The following UBE2Q2 variants were observed in gnomAD, a reference collection of about 807,000 sequenced individuals.
The protein encoded by UBE2Q2 is ubiquitin conjugating enzyme E2 Q2.
Under a neutral mutation model 59.9 loss-of-function variants are expected in UBE2Q2, and 54 were observed. The ratio of observed to expected loss-of-function variants is 0.90; its 90% CI spans 0.72 to 1.13. The LOEUF (loss-of-function observed/expected upper bound fraction) is 1.13, where lower values mean the gene tolerates loss of function less well. Ranked by LOEUF, UBE2Q2 falls within the 50% of genes most tolerant of loss-of-function variation. The pLI is 0.00. For missense variants in UBE2Q2, 433 were observed against 441.9 expected (o/e 0.98, Z 0.18); for synonymous variants, 165 against 155.2 (o/e 1.06, Z -0.47).
At chr15:75,897,636 TTTAC>T (rs1169071199) in intron 12 of UBE2Q2, among the ~76,000 whole-genome samples, 1 of 151,676 alleles carries the variant, frequency 6.6e-6, no homozygotes, top group Non-Finnish European at 1.5e-5. Flanking sequence ...AATGACTCAC[TTTAC>T]TTACTTGAAA....
At chr15:75,880,978 A>G (rs1280842215) in intron 8 of UBE2Q2, among the ~76,000 whole-genome samples, 1 of 152,128 alleles carries the variant, frequency 6.6e-6, no homozygotes, top group Non-Finnish European at 1.5e-5. Flanking sequence ...AGTGACCCAA[A>G]TGTCAGTATT....
At chr15:75,863,910 G>A (rs925966711) in intron 3 of UBE2Q2, among the ~76,000 whole-genome samples, 5 of 152,084 alleles carry the variant, frequency 3.3e-5, no homozygotes, top group Admixed American at 6.6e-5. Context: ...AGAGTGCTGG[G>A]ATTACAGGGG....
chr15:75,856,271 A>ATG (rs1896910013), intron 2 of UBE2Q2, among the ~76,000 whole-genome samples: 1 of 59,750 alleles, frequency 1.7e-5, no homozygotes, highest in South Asian at 4.2e-4. Context: ...GTGTGTGTGT[A>ATG]TATATATATA....
intron 5 of UBE2Q2, among the ~76,000 whole-genome samples, chr15:75,875,908 A>G (rs80024008): frequency 2.0e-5 from 3 of 151,880 alleles, no homozygotes; most frequent in African/African-American, 4.8e-5. Flanking sequence ...AAAAAAAAAA[A>G]TACAAAATTT....
In UBE2Q2 at chr15:75,859,993, A is replaced by C. The variant is rs750951058; in HGVS notation, c.387+11A>C. On this transcript the variant is annotated intron_variant, in intron 3 of 12. Transcript: ENST00000267938. ...CTACCCACGGGTCAGGTAAAGTAAA[A>C]ATTCTCTAGTGTTCAAGAGCTAAAT... 6.4e-7 allele frequency: 1 copy of C among 1,570,038 alleles called. No individual in the cohort carries two copies. Among genetic ancestry groups the C allele is most frequent in the Non-Finnish European group, 8.6e-7 (1 of 1,157,568 alleles).
At chr15:75,896,508 G>T (rs942289862) in intron 11 of UBE2Q2, among the ~76,000 whole-genome samples, 3 of 152,138 alleles carry the variant, frequency 2.0e-5, no homozygotes, top group Non-Finnish European at 2.9e-5. Flanking sequence ...CCTTTAGTAA[G>T]CATGGTGACA....
At chr15:75,846,386 C>T (rs374934953) in intron 1 of UBE2Q2, among the ~76,000 whole-genome samples, 2 of 152,142 alleles carry the variant, frequency 1.3e-5, no homozygotes, top group African/African-American at 4.8e-5. Flanking sequence ...TACAGGTTTC[C>T]GCCGCCACAC....
rs1301054715 is a variant in UBE2Q2 at position 75,855,282 on chromosome 15, G to A, written c.282+795G>A. 3.3e-5 allele frequency among the ~76,000 whole-genome samples: 5 copies of A among 152,172 alleles called. No individual in the cohort carries two copies. In the East Asian group the frequency reaches 9.6e-4, roughly 29 times the overall value. ...GAGGCGGGCGGATCACTTGAGGCCA[G>A]GAGTTCGAGATCAGCCTGGCCAACA... On this transcript the variant is annotated intron_variant, in intron 2 of 12. Coordinates refer to ENST00000267938, the MANE Select transcript of UBE2Q2 (RefSeq NM_173469.4).
At chr15:75,872,100 T>C (rs1250846830) in intron 4 of UBE2Q2, among the ~76,000 whole-genome samples, 1 of 151,676 alleles carries the variant, frequency 6.6e-6, no homozygotes, top group East Asian at 1.9e-4. Context: ...AGAGTTTGAG[T>C]GAGAACAGAA....
intron 3 of UBE2Q2, among the ~76,000 whole-genome samples, chr15:75,863,862 G>A (rs768435929): frequency 1.1e-4 from 16 of 151,918 alleles, no homozygotes; most frequent in Non-Finnish European, 1.8e-4. Flanking sequence ...GGCTGGTCTC[G>A]AACTCCTGAC....
At position 75,854,413 on chromosome 15, in the gene UBE2Q2, T is replaced by C. The variant is rs376415843; in HGVS notation, c.208T>C (p.Trp70Arg). The C allele has an allele frequency of 4.3e-5, 69 of 1,613,158 alleles. No homozygotes were observed. The highest frequency in any genetic ancestry group is 5.8e-5 in the Non-Finnish European group (68 of 1,179,546). Residue 70 changes from tryptophan to arginine, a missense_variant, in exon 2 of 13, where the codon TGG (tryptophan) becomes CGG (arginine). Coordinates refer to ENST00000267938, the MANE Select transcript of UBE2Q2 (RefSeq NM_173469.4). ...ATCCTATCCATCTTCTTCACCGATA[T>C]GGTTTGTGGATTCTGAAGACCCAAA... ...TESYPSSSPI[W>R]FVDSEDPNLT...
chr15:75,845,662 T>C (rs1896306809), intron 1 of UBE2Q2, among the ~76,000 whole-genome samples: 1 of 152,092 alleles, frequency 6.6e-6, no homozygotes, highest in Non-Finnish European at 1.5e-5. Context: ...GTTATCCCAG[T>C]GGGGGTGGGG....
chr15:75,891,777 G>A (rs1475657950), intron 11 of UBE2Q2, among the ~76,000 whole-genome samples: 2 of 152,196 alleles, frequency 1.3e-5, no homozygotes, highest in Admixed American at 1.3e-4. Flanking sequence ...TAGGACATTA[G>A]TGAGACAGCC....
At chr15:75,893,882 A>C (rs1251613533) in intron 11 of UBE2Q2, among the ~76,000 whole-genome samples, 2 of 152,190 alleles carry the variant, frequency 1.3e-5, no homozygotes, top group African/African-American at 4.8e-5. Flanking sequence ...AAATTACTAA[A>C]ATTCTATCTA....
chr15:75,890,915 GT>G lies in UBE2Q2; in HGVS notation c.934-3del. 1 of 1,612,422 alleles carries G rather than the reference GT, an allele frequency of 6.2e-7. No homozygotes were observed. Among genetic ancestry groups the G allele is most frequent in the Non-Finnish European group, 8.5e-7 (1 of 1,179,346 alleles). Reference sequence around the variant, plus strand: ...TATTTTAGAGATACTTTGTTCTTCTGTAGGGCTGGAGCAGTGCCTACTCAAT... The same window carrying G: ...TATTTTAGAGATACTTTGTTCTTCTGAGGGCTGGAGCAGTGCCTACTCAAT... On this transcript the variant is annotated splice_region_variant and splice_polypyrimidine_tract_variant and intron_variant, in intron 10 of 12. Transcript: ENST00000267938.
At chr15:75,883,288 T>A in intron 8 of UBE2Q2, 78 bp from the exon 9 acceptor site, 2 of 1,322,706 alleles carry the variant, frequency 1.5e-6, no homozygotes, top group Non-Finnish European at 2.1e-6. Context: ...TTCTTTATAG[T>A]ATCTTTTAAA....
At chr15:75,863,706 G>A (rs900349575) in intron 3 of UBE2Q2, among the ~76,000 whole-genome samples, 15 of 151,282 alleles carry the variant, frequency 9.9e-5, no homozygotes, top group African/African-American at 3.4e-4. Context: ...GCAATGGTGC[G>A]ATCTTGGCTC....
intron 9 of UBE2Q2, among the ~76,000 whole-genome samples, chr15:75,884,589 C>T (rs1279411031): frequency 1.3e-5 from 2 of 151,968 alleles, no homozygotes; most frequent in Admixed American, 6.6e-5. Flanking sequence ...TTTTTTTAAC[C>T]TTTCGTATTA....
At chr15:75,864,602 G>C (rs1397052528) in intron 3 of UBE2Q2, among the ~76,000 whole-genome samples, 1 of 130,556 alleles carries the variant, frequency 7.7e-6, no homozygotes, top group Admixed American at 7.7e-5. Flanking sequence ...AGTAACTGTA[G>C]ATTCTAAAAA....
Sources: gnomAD v4.1 joint callset for allele counts (sites outside exome capture counted in the v4.1 genomes callset) on GRCh38, gnomAD v4.1.1 for gene constraint, MANE v1.5 for transcripts, NCBI Gene and HGNC (gene_info 2026-07-23, HGNC 2026-07-21) for gene names.